Variants in PCDH15 observed in about 807,000 individuals in gnomAD.
PCDH15 encodes the protein protocadherin-15.
In PCDH15, 129 loss-of-function variants were observed where a neutral mutation model predicts 178.5. The ratio of observed to expected loss-of-function variants is 0.72; its 90% CI spans 0.63 to 0.84. PCDH15 has a LOEUF of 0.84. Ranked by LOEUF, PCDH15 falls within the 40% of genes least tolerant of loss-of-function variation. The probability of loss-of-function intolerance (pLI) is 0.00; values close to 1 mark genes in which losing one functional copy is unlikely to be tolerated. For synonymous variants in PCDH15, 800 were observed against 732.0 expected, an observed-to-expected ratio of 1.09 and a Z score of -1.50; for missense variants, 2,230 against 2,099.9, an observed-to-expected ratio of 1.06 and a Z score of -1.21.
At chr10:54,206,990 A>G (rs2050864304) in intron 10 of PCDH15, among the ~76,000 whole-genome samples, 1 of 152,124 alleles carries the variant, frequency 6.6e-6, no homozygotes, top group Non-Finnish European at 1.5e-5. Context: ...CTTTGCAGAC[A>G]AGAAGGCCTT....
At chr10:54,586,759 G>A (rs2091496514) in intron 2 of PCDH15, among the ~76,000 whole-genome samples, 1 of 152,114 alleles carries the variant, frequency 6.6e-6, no homozygotes, top group Non-Finnish European at 1.5e-5. Context: ...CTTCTAAAGT[G>A]CTGGGATTAC....
chr10:54,630,713 C>A (rs2093678761), intron 2 of PCDH15, among the ~76,000 whole-genome samples: 1 of 152,118 alleles, frequency 6.6e-6, no homozygotes, highest in Non-Finnish European at 1.5e-5. Flanking sequence ...ACAGAGTAAA[C>A]AGATAACCTA....
chr10:55,574,440 A>G (rs954739723), intron 2 of PCDH15, among the ~76,000 whole-genome samples: 8 of 152,006 alleles, frequency 5.3e-5, no homozygotes, highest in African/African-American at 1.4e-4. Context: ...TAGGCAATCA[A>G]CTTTAGAACT....
At chr10:55,017,520 T>G (rs1250647521) in intron 2 of PCDH15, among the ~76,000 whole-genome samples, 1 of 152,152 alleles carries the variant, frequency 6.6e-6, no homozygotes, top group Admixed American at 6.6e-5. Context: ...TGGAAACATT[T>G]CTACCATAAA....
chr10:55,277,109 G>T (rs2132253417), intron 1 of PCDH15, among the ~76,000 whole-genome samples: 1 of 152,120 alleles, frequency 6.6e-6, no homozygotes, highest in East Asian at 1.9e-4. Flanking sequence ...TTCCAGTTCA[G>T]AGGGTCATTG....
intron 35 of PCDH15, among the ~76,000 whole-genome samples, chr10:53,812,365 G>A (rs796815113): frequency 5.4e-4 from 78 of 145,278 alleles, no homozygotes; most frequent in African/African-American, 1.8e-3. Context: ...CCGCCACCAC[G>A]CCCGTCTAAA....
At chr10:55,206,364 T>A (rs895833549) in intron 1 of PCDH15, among the ~76,000 whole-genome samples, 8 of 152,118 alleles carry the variant, frequency 5.3e-5, no homozygotes, top group Admixed American at 1.3e-4. Flanking sequence ...AGATCACTAC[T>A]TTTCCAAGTC....
chr10:55,054,979 G>C (rs992815369), intron 2 of PCDH15, among the ~76,000 whole-genome samples: 8 of 152,138 alleles, frequency 5.3e-5, no homozygotes, highest in African/African-American at 1.9e-4. Context: ...TGTTTATGTT[G>C]TTGAGAGATT....
intron 1 of PCDH15, among the ~76,000 whole-genome samples, chr10:54,677,820 A>C (rs2094819127): frequency 6.6e-6 from 1 of 152,164 alleles, no homozygotes; most frequent in Non-Finnish European, 1.5e-5. Flanking sequence ...ACCATGTTGC[A>C]ATAGTTTAAA....
At chr10:53,866,163 C>T (rs979487456) in intron 27 of PCDH15, among the ~76,000 whole-genome samples, 14 of 152,054 alleles carry the variant, frequency 9.2e-5, no homozygotes, top group Admixed American at 5.2e-4. Context: ...GAAATAAATA[C>T]TATTGGAACA....
chr10:54,029,974 G>A (rs1205346431), intron 18 of PCDH15, among the ~76,000 whole-genome samples: 2 of 151,882 alleles, frequency 1.3e-5, no homozygotes, highest in Non-Finnish European at 2.9e-5. Flanking sequence ...GAAGTCCCTG[G>A]GTAGGTTACT....
chr10:53,874,543 C>G (rs781166209), intron 26 of PCDH15, among the ~76,000 whole-genome samples: 1 of 152,120 alleles, frequency 6.6e-6, no homozygotes, highest in Non-Finnish European at 1.5e-5. Context: ...AGAAAAACCA[C>G]AACCTGAGAA....
chr10:54,329,644 C>T lies in PCDH15; in HGVS notation c.657G>A (p.Arg219=), dbSNP rs751365900. The change falls in exon 7 of 38, where the codon AGG becomes AGA. Residue 219 remains arginine (R), a synonymous_variant. Transcript: ENST00000644397. The part of the protein sequence containing the change: ...MLTGNIVLRK[R]LNYEDKTRYF... ...AGCGAGTCTTATCTTCATAGTTGAGCCTCTTCCTTAACACTATATTTCCAG... is the reference window on the plus strand; with the variant it reads ...AGCGAGTCTTATCTTCATAGTTGAGTCTCTTCCTTAACACTATATTTCCAG... The T allele has an allele frequency of 3.1e-6, 5 of 1,609,286 alleles. No individual in the cohort carries two copies. Among genetic ancestry groups the T allele is most frequent in the Non-Finnish European group, 3.4e-6 (4 of 1,176,008 alleles).
chr10:53,900,852 T>C (rs1421498016), intron 26 of PCDH15, among the ~76,000 whole-genome samples: 1 of 152,190 alleles, frequency 6.6e-6, no homozygotes, highest in Non-Finnish European at 1.5e-5. Context: ...TTCCTTGTTA[T>C]AGTCATCACA....
At chr10:54,012,211 GAACT>G (rs964021487) in intron 20 of PCDH15, among the ~76,000 whole-genome samples, 4 of 151,966 alleles carry the variant, frequency 2.6e-5, no homozygotes, top group South Asian at 2.1e-4. Context: ...CTGGCTCTCT[GAACT>G]AACTAAGAAG....
At chr10:55,475,611 C>A (rs534379406) in intron 2 of PCDH15, among the ~76,000 whole-genome samples, 1 of 152,018 alleles carries the variant, frequency 6.6e-6, no homozygotes, top group Non-Finnish European at 1.5e-5. Context: ...TAAGCAAATT[C>A]TTTACAATAT....
chr10:54,053,010 G>T (rs1029732341), intron 18 of PCDH15, among the ~76,000 whole-genome samples: 1 of 152,104 alleles, frequency 6.6e-6, no homozygotes, highest in African/African-American at 2.4e-5. Flanking sequence ...AGATTCTTGA[G>T]GCCTTCCAAA....
In PCDH15 at chr10:54,172,723, A is replaced by G. The variant is rs76118390; in HGVS notation, c.1590+10721T>C. On this transcript the variant is annotated intron_variant, in intron 13 of 37. Coordinates refer to ENST00000644397, the MANE Select transcript of PCDH15 (RefSeq NM_001384140.1). ...ACCAGCAATATATAGAACCATAAGTATGAGCGTGAATATAGTCAAAATTAA... is the reference window on the plus strand; with the variant it reads ...ACCAGCAATATATAGAACCATAAGTGTGAGCGTGAATATAGTCAAAATTAA... Among the ~76,000 whole-genome samples, 918 of 152,306 alleles carry G rather than the reference A, an allele frequency of 6.0e-3. 9 individuals carry two copies. Among genetic ancestry groups the G allele is most frequent in the African/African-American group, 0.021 (871 of 41,570 alleles).
intron 8 of PCDH15, among the ~76,000 whole-genome samples, chr10:54,287,307 T>A (rs1286726737): frequency 6.6e-6 from 1 of 152,234 alleles, no homozygotes; most frequent in Non-Finnish European, 1.5e-5. Flanking sequence ...CCATTAATCT[T>A]GGGCTTTTAT....
Sources: gnomAD v4.1 joint callset for allele counts (sites outside exome capture counted in the v4.1 genomes callset) on GRCh38, gnomAD v4.1.1 for gene constraint, MANE v1.5 for transcripts, NCBI Gene and HGNC (gene_info 2026-07-23, HGNC 2026-07-21) for gene names.